Variants in GRIK3 observed in about 807,000 individuals in gnomAD.
The protein encoded by GRIK3 is glutamate receptor ionotropic, kainate 3.
A neutral mutation model predicts 102.5 loss-of-function variants in GRIK3; 29 were observed. The observed-to-expected ratio is 0.28, with a 90% confidence interval of 0.21 to 0.39. The LOEUF (loss-of-function observed/expected upper bound fraction) is 0.39. GRIK3 is among the 10% of genes least tolerant of loss of function. GRIK3 has a pLI of 1.00. For missense variants in GRIK3, 908 were observed against 1,252.4 expected, an observed-to-expected ratio of 0.73 and a Z score of 4.15; for synonymous variants, 511 against 504.9, an observed-to-expected ratio of 1.01 and a Z score of -0.16.
intron 1 of GRIK3, among the ~76,000 whole-genome samples, chr1:36,906,874 A>G (rs1454647700): frequency 6.6e-6 from 1 of 152,216 alleles, no homozygotes; most frequent in Non-Finnish European, 1.5e-5. Context: ...ACAATAACTT[A>G]TTGTTTATTT....
At chr1:37,031,756 G>A (rs1037170993) in intron 1 of GRIK3, among the ~76,000 whole-genome samples, 5 of 152,232 alleles carry the variant, frequency 3.3e-5, no homozygotes, top group Admixed American at 2.6e-4. Context: ...CCAAGGTGGT[G>A]TGTTTGGATT....
intron 1 of GRIK3, among the ~76,000 whole-genome samples, chr1:36,991,697 GA>G (rs1642365231): frequency 6.6e-6 from 1 of 152,216 alleles, no homozygotes; most frequent in Admixed American, 6.5e-5. Flanking sequence ...CAAGATCCCT[GA>G]GGGCTGTAGC....
Position 36,819,640 on chromosome 1 carries a change from T to A in GRIK3, c.1873+96A>T. The A allele has an allele frequency of 4.1e-6, 3 of 729,010 alleles. No individual in the cohort carries two copies. 45.2% of individuals were successfully genotyped at this position (729,010 alleles called of 1,614,324 possible). A position where few individuals can be genotyped will look rare whatever the true frequency, so the allele number is the denominator to read the frequency against. ...GCTCATCAGGGTCTGAGGCTACCCC[T>A]AGAGGTGTGGGCTGGCTCTGCTGAT... On this transcript the variant is annotated intron_variant, in intron 12 of 15. Coordinates refer to ENST00000373091, the MANE Select transcript of GRIK3 (RefSeq NM_000831.4). This position sits in a 1 kb window ranked among gnomAD's most constrained non-coding sequence, Gnocchi z 4.1.
intron 1 of GRIK3, among the ~76,000 whole-genome samples, chr1:36,951,087 C>T (rs1641838982): frequency 6.6e-6 from 1 of 152,256 alleles, no homozygotes; most frequent in Non-Finnish European, 1.5e-5. Flanking sequence ...ATGCAAATGA[C>T]CTTTGTCTTT....
chr1:36,987,036 G>A (rs904770783), intron 1 of GRIK3, among the ~76,000 whole-genome samples: 1 of 152,186 alleles, frequency 6.6e-6, no homozygotes, highest in Non-Finnish European at 1.5e-5. Context: ...CTATGCTGCA[G>A]CCCTGGCTGG....
chr1:36,893,516 A>C (rs2124275326), intron 1 of GRIK3, among the ~76,000 whole-genome samples: 1 of 152,358 alleles, frequency 6.6e-6, no homozygotes. Flanking sequence ...CCAGTTGGTA[A>C]AGATACAAAA....
intron 2 of GRIK3, among the ~76,000 whole-genome samples, chr1:36,885,010 G>C (rs1641022387): frequency 6.6e-6 from 1 of 152,228 alleles, no homozygotes; most frequent in African/African-American, 2.4e-5. Flanking sequence ...CTTTTATTTT[G>C]ACACAGACTG....
rs1294045912 is a variant in GRIK3, at chr1:36,817,143, T to A, written c.2008A>T (p.Ile670Phe). 1.2e-6 allele frequency: 2 copies of A among 1,613,958 alleles called. No individual in the cohort carries two copies. Among genetic ancestry groups the A allele is most frequent in the African/African-American group, 1.3e-5 (1 of 74,902 alleles). Residue 670 changes from isoleucine to phenylalanine, a missense_variant, in exon 13 of 16, where the codon ATT (isoleucine) becomes TTT (phenylalanine). Physicochemically the swap from Ile to Phe is conservative, Grantham distance 21. Coordinates refer to ENST00000373091, the MANE Select transcript of GRIK3 (RefSeq NM_000831.4). Reference protein sequence around the residue: ...FLTVERMESPIDSADDLAKQT... With the variant: ...FLTVERMESPFDSADDLAKQT... ...TTGGCCAGGTCATCAGCAGAGTCAA[T>A]GGGTGATTCCATGCGCTCCACGGTC... is the stretch of plus-strand genomic sequence containing the variant.
chr1:36,854,173 C>T (rs566700402), intron 7 of GRIK3, among the ~76,000 whole-genome samples: 1 of 152,188 alleles, frequency 6.6e-6, no homozygotes, highest in African/African-American at 2.4e-5. Context: ...AAATCACCCC[C>T]CAACCTCCCA....
At chr1:36,973,430 T>C (rs1642164408) in intron 1 of GRIK3, among the ~76,000 whole-genome samples, 1 of 147,054 alleles carries the variant, frequency 6.8e-6, no homozygotes, top group Admixed American at 6.7e-5. Flanking sequence ...TTTTTTTTTT[T>C]TTTTTTTGAG....
chr1:36,974,160 T>C (rs1300588447), intron 1 of GRIK3, among the ~76,000 whole-genome samples: 1 of 152,168 alleles, frequency 6.6e-6, no homozygotes, highest in Admixed American at 6.5e-5. Context: ...GCACTCCTGC[T>C]TCCTCCCAAG....
intron 1 of GRIK3, among the ~76,000 whole-genome samples, chr1:36,990,117 C>T (rs12081898): frequency 0.026 from 3,929 of 152,092 alleles, 177 homozygotes; most frequent in African/African-American, 0.09. Context: ...TGAAGCAGGC[C>T]GTCCTGACCA....
chr1:36,915,874 A>T (rs1641393728), intron 1 of GRIK3, among the ~76,000 whole-genome samples: 1 of 152,188 alleles, frequency 6.6e-6, no homozygotes, highest in African/African-American at 2.4e-5. Context: ...GGGCTAATTC[A>T]GTAAATTGGT....
chr1:36,977,516 C>A (rs895041794), intron 1 of GRIK3, among the ~76,000 whole-genome samples: 1 of 152,212 alleles, frequency 6.6e-6, no homozygotes, highest in Non-Finnish European at 1.5e-5. Flanking sequence ...TCTGTCTTCC[C>A]CTTTGCAGAG....
intron 10 of GRIK3, among the ~76,000 whole-genome samples, chr1:36,830,366 A>G (rs7516092): frequency 8.4e-6 from 1 of 118,510 alleles, no homozygotes; most frequent in African/African-American, 2.9e-5. Context: ...ATGCCCCCCC[A>G]CCCCCAATTA....
rs1642463870 is a variant in GRIK3 at position 37,000,325 on chromosome 1, C to T, written c.115+33669G>A. On this transcript the variant is annotated intron_variant, in intron 1 of 15. Transcript: ENST00000373091. ...AGTAATAATGGCTACTTTTATTGAG[C>T]ATTTACTATGTGCCATGTCCTGTGA... 2.0e-5 allele frequency among the ~76,000 whole-genome samples: 3 copies of T among 152,174 alleles called. No individual in the cohort carries two copies. The South Asian group carries it at 6.2e-4, about 32-fold the overall frequency.
intron 1 of GRIK3, among the ~76,000 whole-genome samples, chr1:36,937,078 A>G (rs1472554038): frequency 1.3e-5 from 2 of 152,176 alleles, no homozygotes; most frequent in Non-Finnish European, 2.9e-5. Flanking sequence ...GAAGATTCAG[A>G]AGACAGGGCC....
chr1:36,986,127 C>A (rs1472115264), intron 1 of GRIK3, among the ~76,000 whole-genome samples: 1 of 152,060 alleles, frequency 6.6e-6, no homozygotes, highest in Non-Finnish European at 1.5e-5. Flanking sequence ...GGGACCCAGA[C>A]TCTCTATCTC....
intron 13 of GRIK3, among the ~76,000 whole-genome samples, chr1:36,808,615 C>T (rs1469958551): frequency 6.6e-6 from 1 of 152,190 alleles, no homozygotes; most frequent in East Asian, 1.9e-4. Context: ...AACAAGCATG[C>T]AGTGAGTTTG....
Sources: gnomAD v4.1 joint callset for allele counts (sites outside exome capture counted in the v4.1 genomes callset) on GRCh38, gnomAD v4.1.1 for gene constraint, Gnocchi (gnomAD v3.1) non-coding constraint, MANE v1.5 for transcripts, NCBI Gene and HGNC (gene_info 2026-07-23, HGNC 2026-07-21) for gene names.